The following TPO variants were observed in gnomAD, a reference collection of about 807,000 sequenced individuals.
The protein encoded by TPO is thyroid peroxidase.
TPO carries 78 observed loss-of-function variants against 96.9 expected under a neutral mutation model. That is an observed-to-expected ratio of 0.81 (90% CI 0.67 to 0.97). TPO has a LOEUF of 0.97. Among genes scored for constraint, TPO ranks in the 50% least tolerant of loss-of-function variants. The probability of loss-of-function intolerance (pLI) is 0.00; values close to 1 mark genes in which losing one functional copy is unlikely to be tolerated. For missense variants in TPO, 1,252 were observed against 1,274.8 expected, an observed-to-expected ratio of 0.98 and a Z score of 0.27; for synonymous variants, 547 against 538.0, an observed-to-expected ratio of 1.02 and a Z score of -0.23.
intron 15 of TPO, among the ~76,000 whole-genome samples, chr2:1,518,897 C>CTA (rs1179515505): frequency 6.6e-6 from 1 of 152,178 alleles, no homozygotes; most frequent in African/African-American, 2.4e-5. Context: ...TTATTTGGAA[C>CTA]TAAGGTCTCT....
intron 15 of TPO, among the ~76,000 whole-genome samples, chr2:1,525,441 AC>A (rs1260732084): frequency 6.3e-5 from 1 of 15,870 alleles, no homozygotes; most frequent in African/African-American, 2.6e-4. Context: ...CCTCCCCAAA[AC>A]CCCCCACTGT....
chr2:1,485,517 C>T (rs1205297117), intron 9 of TPO, among the ~76,000 whole-genome samples: 1 of 151,806 alleles, frequency 6.6e-6, no homozygotes, highest in Non-Finnish European at 1.5e-5. Context: ...TTTACAGTCC[C>T]ACCAACAGTG....
In TPO at chr2:1,542,476, G is replaced by A. The variant is rs1240189723; in HGVS notation, c.*2G>A. The stretch of plus-strand genomic sequence containing the variant: ...CACAGGCTGCCGAGAGCCCTCTGAG[G>A]GCAAAGTGGCAGGACACTGCAGAAC... On this transcript the variant is annotated 3_prime_UTR_variant, in exon 17 of 17. Transcript: ENST00000329066. 1.2e-6 allele frequency: 2 copies of A among 1,614,142 alleles called. No homozygotes were observed. Among genetic ancestry groups the A allele is most frequent in the Non-Finnish European group, 1.7e-6 (2 of 1,180,034 alleles).
chr2:1,380,120 T>C (rs932225429), intron 1 of TPO, among the ~76,000 whole-genome samples: 6 of 152,106 alleles, frequency 3.9e-5, no homozygotes, highest in Admixed American at 2.0e-4. Context: ...ATTGGCCAGG[T>C]GCGGTGGCTC....
intron 11 of TPO, among the ~76,000 whole-genome samples, chr2:1,494,826 T>C (rs2124931265): frequency 6.6e-6 from 1 of 152,350 alleles, no homozygotes; most frequent in African/African-American, 2.4e-5. Context: ...ATCTGTGTTC[T>C]TCCCAGAGAG....
rs1424388333 is a variant in TPO, at chr2:1,477,455, G to A, written c.1189G>A (p.Ala397Thr). The change falls in exon 8 of 17, where the codon GCC (alanine) becomes ACC (threonine). Residue 397 changes from alanine to threonine, a missense_variant. Coordinates refer to ENST00000329066, the MANE Select transcript of TPO (RefSeq NM_001206744.2). ...CTGCTTCCTGGCCGGAGACGGCCGC[G>A]CCAGCGAGGTCCCCTCCCTGACGGC... is the stretch of plus-strand genomic sequence containing the variant. ...GPCFLAGDGR[A>T]SEVPSLTALH... 2.6e-6 allele frequency: 4 copies of A among 1,524,534 alleles called. No homozygotes were observed. The highest frequency in any genetic ancestry group is 1.2e-5 in the South Asian group (1 of 83,116). 94.4% of individuals were successfully genotyped at this position (1,524,534 alleles called of 1,614,324 possible).
chr2:1,540,945 A>G (rs1680693644), intron 16 of TPO: 1 of 1,517,388 alleles, frequency 6.6e-7, no homozygotes, highest in Non-Finnish European at 8.9e-7. Context: ...TTCCATTTGT[A>G]CAAACCGGTT....
At chr2:1,538,598 C>CATA (rs1290334784) in intron 15 of TPO, among the ~76,000 whole-genome samples, 1 of 152,136 alleles carries the variant, frequency 6.6e-6, no homozygotes, top group African/African-American at 2.4e-5. Context: ...GCAGCAAATT[C>CATA]ATAAAATGGG....
intron 1 of TPO, among the ~76,000 whole-genome samples, chr2:1,383,663 T>G (rs1661844902): frequency 6.6e-6 from 1 of 152,200 alleles, no homozygotes; most frequent in Non-Finnish European, 1.5e-5. Flanking sequence ...TTTCTCCCAT[T>G]CTGTAGGTTG....
At chr2:1,481,617 G>A (rs1380854662) in intron 8 of TPO, among the ~76,000 whole-genome samples, 1 of 152,212 alleles carries the variant, frequency 6.6e-6, no homozygotes, top group Non-Finnish European at 1.5e-5. Flanking sequence ...GCATCCCTGG[G>A]CCACTCGGCT....
At chr2:1,428,940 C>T (rs1452842598) in intron 3 of TPO, among the ~76,000 whole-genome samples, 1 of 152,140 alleles carries the variant, frequency 6.6e-6, no homozygotes, top group Non-Finnish European at 1.5e-5. Context: ...CATCCATGAA[C>T]TATGGCTGGC....
chr2:1,461,752 C>A (rs1042947349), intron 7 of TPO, among the ~76,000 whole-genome samples: 1 of 152,168 alleles, frequency 6.6e-6, no homozygotes, highest in Non-Finnish European at 1.5e-5. Flanking sequence ...TCATGACACA[C>A]AGACCCACAC....
intron 16 of TPO, chr2:1,540,953 G>T (rs1236959430): frequency 2.0e-6 from 3 of 1,502,700 alleles, no homozygotes; most frequent in Non-Finnish European, 2.7e-6. Flanking sequence ...GTACAAACCG[G>T]TTCCAAAACT....
At chr2:1,534,453 A>C (rs1573631053) in intron 15 of TPO, among the ~76,000 whole-genome samples, 1 of 51,270 alleles carries the variant, frequency 2.0e-5, no homozygotes, top group African/African-American at 7.3e-5. Flanking sequence ...CCCCAGTGCA[A>C]TCTCAAATCC....
At chr2:1,540,862 G>A (rs1248672914) in intron 16 of TPO, 139 bp downstream of exon 16, 28 of 1,555,850 alleles carry the variant, frequency 1.8e-5, no homozygotes, top group East Asian at 4.9e-5. Context: ...ACCTTCCTCC[G>A]GGAGGTTTTA....
intron 5 of TPO, among the ~76,000 whole-genome samples, chr2:1,446,836 A>G (rs144471095): frequency 6.6e-6 from 1 of 152,172 alleles, no homozygotes; most frequent in East Asian, 1.9e-4. Context: ...CTTTTTTGTT[A>G]TGTTTAAGAA....
chr2:1,424,177 C>G (rs1010087735), intron 3 of TPO, among the ~76,000 whole-genome samples: 1 of 152,172 alleles, frequency 6.6e-6, no homozygotes, highest in African/African-American at 2.4e-5. Context: ...CAATACGTGT[C>G]AGATTTACAT....
chr2:1,536,797 C>G (rs1183520097), intron 15 of TPO, among the ~76,000 whole-genome samples: 3 of 94,566 alleles, frequency 3.2e-5, no homozygotes, highest in African/African-American at 1.3e-4. Context: ...CCCCCGCAAT[C>G]TGTGCAACCT....
intron 14 of TPO, among the ~76,000 whole-genome samples, chr2:1,514,503 T>C (rs1573500564): frequency 6.6e-6 from 1 of 152,200 alleles, no homozygotes; most frequent in East Asian, 1.9e-4. Flanking sequence ...AAGGCCCTCG[T>C]TGGCCTTCAC....
Sources: allele counts gnomAD v4.1 joint callset (sites outside exome capture counted in the v4.1 genomes callset), GRCh38; gene constraint gnomAD v4.1.1; transcripts MANE v1.5; gene names NCBI Gene and HGNC (gene_info 2026-07-23, HGNC 2026-07-21).